Variants in GABRB3 observed in about 807,000 individuals in gnomAD.
GABRB3 encodes gamma-aminobutyric acid type A receptor subunit beta3, also known as gamma-aminobutyric acid receptor subunit beta-3.
In GABRB3, 14 loss-of-function variants were observed where a neutral mutation model predicts 52.1. The ratio of observed to expected loss-of-function variants is 0.27; its 90% confidence interval spans 0.18 to 0.42. The LOEUF (loss-of-function observed/expected upper bound fraction) is 0.42. GABRB3 is among the 10% of genes least tolerant of loss of function. The pLI, the probability that GABRB3 is intolerant of heterozygous loss-of-function variation, is 1.00. For missense variants in GABRB3, 307 were observed against 609.1 expected (o/e 0.50, Z 5.22); for synonymous variants, 260 against 232.3 (o/e 1.12, Z -1.08).
At chr15:26,721,575 A>G (rs540616538) in intron 3 of GABRB3, among the ~76,000 whole-genome samples, 55 of 151,778 alleles carry the variant, frequency 3.6e-4, no homozygotes, top group Middle Eastern at 3.2e-3. Flanking sequence ...GCACATGGGC[A>G]TGCATTAATC....
At chr15:26,573,828 T>C (rs948087416) in intron 6 of GABRB3, among the ~76,000 whole-genome samples, 1 of 152,148 alleles carries the variant, frequency 6.6e-6, no homozygotes, top group Non-Finnish European at 1.5e-5. Flanking sequence ...GGCGGGAGGA[T>C]TGCTTGAACC....
intron 3 of GABRB3, chr15:26,771,768 C>T (rs1036496779): frequency 6.6e-6 from 1 of 152,354 alleles, no homozygotes; most frequent in Non-Finnish European, 1.5e-5. Context: ...TAGAGCGGCT[C>T]CTCTGAGAGC....
chr15:26,766,049 T>C (rs1332836412), intron 3 of GABRB3, among the ~76,000 whole-genome samples: 2 of 152,166 alleles, frequency 1.3e-5, no homozygotes, highest in Admixed American at 6.5e-5. Context: ...AGCTGATGGG[T>C]CAAGTTTGAT....
intron 3 of GABRB3, among the ~76,000 whole-genome samples, chr15:26,681,183 T>C (rs2140647927): frequency 6.6e-6 from 1 of 152,284 alleles, no homozygotes; most frequent in South Asian, 2.1e-4. Flanking sequence ...TAGAAATGGA[T>C]GCGATCATCC....
At chr15:26,696,408 TGA>T (rs1888742216) in intron 3 of GABRB3, among the ~76,000 whole-genome samples, 2 of 152,174 alleles carry the variant, frequency 1.3e-5, no homozygotes, top group African/African-American at 4.8e-5. Context: ...ATTCAAACAA[TGA>T]ATAAACTGAG....
At chr15:26,664,072 G>GA (rs1887629425) in intron 3 of GABRB3, among the ~76,000 whole-genome samples, 1 of 151,964 alleles carries the variant, frequency 6.6e-6, no homozygotes, top group Non-Finnish European at 1.5e-5. Context: ...ATAGAGACAG[G>GA]GTCTCACTTT....
chr15:26,716,783 G>C lies in GABRB3; in HGVS notation c.240+55619C>G, dbSNP rs544207581. On this transcript the variant is annotated intron_variant, in intron 3 of 8. Transcript: ENST00000311550. ...CCAGCTCTGAGGACCTCCACCAAAT[G>C]ACAGCCCAGCTCTGAGGACCTCCAC... The C allele has an allele frequency of 2.6e-3, 2,745 of 1,037,700 alleles. 114 individuals are homozygous for C. In the Admixed American group the frequency reaches 0.027, roughly 10 times the overall value. 64.3% of individuals were successfully genotyped at this position (1,037,700 alleles called of 1,614,324 possible).
At chr15:26,642,947 C>T (rs1439792160) in intron 3 of GABRB3, among the ~76,000 whole-genome samples, 1 of 152,082 alleles carries the variant, frequency 6.6e-6, no homozygotes, top group Non-Finnish European at 1.5e-5. Context: ...GTCTCAGTCC[C>T]TCGGGGCTTC....
intron 3 of GABRB3, among the ~76,000 whole-genome samples, chr15:26,640,700 A>G (rs1399608077): frequency 1.3e-5 from 2 of 152,246 alleles, no homozygotes; most frequent in Non-Finnish European, 2.9e-5. Context: ...GAGAACAATA[A>G]TTCAAAGTGT....
At chr15:26,642,553 G>A (rs1438247731) in intron 3 of GABRB3, 16 of 1,225,612 alleles carry the variant, frequency 1.3e-5, no homozygotes, top group Non-Finnish European at 1.6e-5. Flanking sequence ...GAAACATGAA[G>A]GACACTTTGA....
At chr15:26,718,554 G>A (rs961908265) in intron 3 of GABRB3, among the ~76,000 whole-genome samples, 5 of 152,170 alleles carry the variant, frequency 3.3e-5, no homozygotes, top group East Asian at 1.9e-4. Flanking sequence ...CCATACTAAC[G>A]CTGCAAAACA....
At chr15:26,574,166 T>C (rs765370272) in intron 6 of GABRB3, among the ~76,000 whole-genome samples, 5 of 152,198 alleles carry the variant, frequency 3.3e-5, no homozygotes, top group South Asian at 2.1e-4. Context: ...TATGAAAAGA[T>C]AGTCAACATC....
At chr15:26,587,238 G>A (rs1034362851) in intron 4 of GABRB3, among the ~76,000 whole-genome samples, 11 of 152,048 alleles carry the variant, frequency 7.2e-5, no homozygotes, top group African/African-American at 2.7e-4. Flanking sequence ...AAAAAATGGA[G>A]CCACTTTTTT....
intron 3 of GABRB3, among the ~76,000 whole-genome samples, chr15:26,684,493 TG>T (rs1888339185): frequency 6.6e-6 from 1 of 152,198 alleles, no homozygotes; most frequent in Non-Finnish European, 1.5e-5. Context: ...ACTCACAACT[TG>T]GCTGTTTGGT....
chr15:26,598,257 AC>A (rs1891467245), intron 4 of GABRB3, among the ~76,000 whole-genome samples: 1 of 152,194 alleles, frequency 6.6e-6, no homozygotes. Flanking sequence ...AAGCAAAAAA[AC>A]AAAAAAGGTA....
chr15:26,554,201 A>ATT (rs1889662970), intron 8 of GABRB3, among the ~76,000 whole-genome samples: 11 of 89,978 alleles, frequency 1.2e-4, no homozygotes, highest in African/African-American at 1.1e-4. Flanking sequence ...CTATATATAT[A>ATT]TATATATAGT....
At chr15:26,718,218 A>G (rs67552561) in intron 3 of GABRB3, among the ~76,000 whole-genome samples, 1 of 151,618 alleles carries the variant, frequency 6.6e-6, no homozygotes, top group Admixed American at 6.6e-5. Context: ...TTATTTATTT[A>G]TTTTTTTGGG....
intron 3 of GABRB3, among the ~76,000 whole-genome samples, chr15:26,628,561 A>G: frequency 6.6e-6 from 1 of 152,230 alleles, no homozygotes; most frequent in East Asian, 1.9e-4. Context: ...CTAGAAGTAA[A>G]AGATTCAGCT....
chr15:26,677,372 A>G (rs1396037184), intron 3 of GABRB3, among the ~76,000 whole-genome samples: 2 of 152,228 alleles, frequency 1.3e-5, no homozygotes, highest in Non-Finnish European at 2.9e-5. Flanking sequence ...GATAACTTTT[A>G]AAGTCCTCTC....
Sources: allele counts gnomAD v4.1 joint callset (sites outside exome capture counted in the v4.1 genomes callset), GRCh38; gene constraint gnomAD v4.1.1; transcripts MANE v1.5; gene names NCBI Gene and HGNC (gene_info 2026-07-23, HGNC 2026-07-21).